TMEM132D: variants seen among roughly 807,000 people sequenced by gnomAD.
The protein encoded by TMEM132D is transmembrane protein 132D.
In TMEM132D, 21 loss-of-function variants were observed where a neutral mutation model predicts 62.3. The ratio of observed to expected loss-of-function variants is 0.34; its 90% CI spans 0.24 to 0.49. The LOEUF is 0.49. Ranked by LOEUF, TMEM132D falls within the 20% of genes least tolerant of loss-of-function variation. TMEM132D has a pLI of 0.99. For synonymous variants in TMEM132D, 621 were observed against 575.6 expected (o/e 1.08, Z -1.13); for missense variants, 1,346 against 1,402.8 (o/e 0.96, Z 0.65).
intron 1 of TMEM132D, among the ~76,000 whole-genome samples, chr12:129,817,374 C>T (rs930037486): frequency 2.0e-5 from 3 of 152,132 alleles, no homozygotes; most frequent in East Asian, 1.9e-4. Context: ...CAGAACCAGA[C>T]GCCGTAACAA....
intron 3 of TMEM132D, among the ~76,000 whole-genome samples, chr12:129,399,903 A>G (rs2135699720): frequency 6.6e-6 from 1 of 151,770 alleles, no homozygotes; most frequent in African/African-American, 2.4e-5. Context: ...GTGGGGGGGT[A>G]TATACATTTT....
chr12:129,384,571 C>G (rs1871049322), intron 3 of TMEM132D, among the ~76,000 whole-genome samples: 1 of 151,892 alleles, frequency 6.6e-6, no homozygotes, highest in African/African-American at 2.4e-5. Flanking sequence ...GGACTTTAAC[C>G]ACGTTCGCAT....
At chr12:129,233,541 G>A (rs559138070) in intron 4 of TMEM132D, among the ~76,000 whole-genome samples, 1 of 152,226 alleles carries the variant, frequency 6.6e-6, no homozygotes, top group South Asian at 2.1e-4. Flanking sequence ...AAAAGAACAA[G>A]GTGATTATGT....
intron 1 of TMEM132D, among the ~76,000 whole-genome samples, chr12:129,761,800 G>A (rs1870388692): frequency 6.6e-6 from 1 of 152,092 alleles, no homozygotes; most frequent in African/African-American, 2.4e-5. Flanking sequence ...TTCCTAGGAA[G>A]CTGCCTCCAC....
At chr12:129,276,256 T>A (rs546426587) in intron 4 of TMEM132D, among the ~76,000 whole-genome samples, 2 of 152,324 alleles carry the variant, frequency 1.3e-5, no homozygotes, top group East Asian at 3.9e-4. Context: ...TACCCAAAGA[T>A]AAAACGCTTG....
intron 2 of TMEM132D, among the ~76,000 whole-genome samples, chr12:129,650,472 T>G (rs1173623977): frequency 6.6e-6 from 1 of 152,216 alleles, no homozygotes; most frequent in Non-Finnish European, 1.5e-5. Context: ...AATAAATGAC[T>G]AGAAGAAACA....
chr12:129,590,280 A>T (rs1184380555), intron 2 of TMEM132D, among the ~76,000 whole-genome samples: 1 of 152,166 alleles, frequency 6.6e-6, no homozygotes, highest in East Asian at 1.9e-4. Flanking sequence ...CTCCTGAGAC[A>T]CAAAGGGCCA....
At chr12:129,808,440 T>A (rs1455269445) in intron 1 of TMEM132D, among the ~76,000 whole-genome samples, 1 of 152,028 alleles carries the variant, frequency 6.6e-6, no homozygotes, top group Non-Finnish European at 1.5e-5. Flanking sequence ...GAAGCAGGGG[T>A]TGCTACAGTA....
At chr12:129,348,205 G>A (rs1407804588) in intron 3 of TMEM132D, among the ~76,000 whole-genome samples, 1 of 152,128 alleles carries the variant, frequency 6.6e-6, no homozygotes, top group African/African-American at 2.4e-5. Flanking sequence ...CCATTACTGG[G>A]TATATACCCA....
At chr12:129,213,112 C>A (rs1879101254) in intron 4 of TMEM132D, among the ~76,000 whole-genome samples, 1 of 151,652 alleles carries the variant, frequency 6.6e-6, no homozygotes, top group African/African-American at 2.4e-5. Context: ...ACAGTGGGCA[C>A]CTGGGGCTGA....
At chr12:129,547,374 G>T (rs1478630726) in intron 2 of TMEM132D, among the ~76,000 whole-genome samples, 2 of 152,156 alleles carry the variant, frequency 1.3e-5, no homozygotes, top group Non-Finnish European at 2.9e-5. Flanking sequence ...AAGGTGCTGG[G>T]ATTACAAGAG....
intron 5 of TMEM132D, among the ~76,000 whole-genome samples, chr12:129,099,129 A>G (rs1188644371): frequency 6.6e-6 from 1 of 152,182 alleles, no homozygotes; most frequent in Non-Finnish European, 1.5e-5. Context: ...GCCCCAGGCC[A>G]CTGCCCATTC....
chr12:129,890,430 T>G (rs1593200433), intron 1 of TMEM132D, among the ~76,000 whole-genome samples: 1 of 152,024 alleles, frequency 6.6e-6, no homozygotes, highest in South Asian at 2.1e-4. Flanking sequence ...TGGCTGGGAG[T>G]TCCCACTGGC....
intron 5 of TMEM132D, among the ~76,000 whole-genome samples, chr12:129,087,151 C>A (rs935772400): frequency 2.0e-5 from 3 of 152,134 alleles, no homozygotes; most frequent in Non-Finnish European, 4.4e-5. Context: ...CACTTCCCAG[C>A]TCCTGGAAAC....
At chr12:129,085,667 TGAG>T (rs1874593526) in intron 5 of TMEM132D, 1 of 152,170 alleles carries the variant, frequency 6.6e-6, no homozygotes, top group Non-Finnish European at 1.5e-5. Context: ...ACATTCCAGA[TGAG>T]GAAGCCGGCA....
intron 2 of TMEM132D, among the ~76,000 whole-genome samples, chr12:129,545,616 C>A (rs1428081653): frequency 6.6e-6 from 1 of 152,124 alleles, no homozygotes; most frequent in Non-Finnish European, 1.5e-5. Flanking sequence ...AGCAACTCCC[C>A]ATTCTCCCAC....
chr12:129,716,279 C>T (rs914890140), intron 1 of TMEM132D, among the ~76,000 whole-genome samples: 2 of 152,120 alleles, frequency 1.3e-5, no homozygotes, highest in African/African-American at 4.8e-5. Flanking sequence ...GCAAGGGAGT[C>T]CCCGATGATG....
intron 4 of TMEM132D, among the ~76,000 whole-genome samples, chr12:129,216,888 C>T (rs1879217344): frequency 6.6e-6 from 1 of 152,180 alleles, no homozygotes; most frequent in Non-Finnish European, 1.5e-5. Context: ...CTGATGCAAC[C>T]TGAAAGGGGA....
intron 2 of TMEM132D, among the ~76,000 whole-genome samples, chr12:129,630,592 CATG>C (rs1220510058): frequency 6.6e-6 from 1 of 152,120 alleles, no homozygotes; most frequent in African/African-American, 2.4e-5. Flanking sequence ...CAGAAATTGC[CATG>C]ATATCTGTTA....
Sources: allele counts gnomAD v4.1 joint callset (sites outside exome capture counted in the v4.1 genomes callset), GRCh38; gene constraint gnomAD v4.1.1; transcripts MANE v1.5; gene names NCBI Gene and HGNC (gene_info 2026-07-23, HGNC 2026-07-21).